SNX13: variants seen among roughly 807,000 people sequenced by gnomAD.
SNX13 encodes sorting nexin-13.
Under a neutral mutation model 133.6 loss-of-function variants are expected in SNX13, and 45 were observed. The observed-to-expected ratio is 0.34, with a 90% CI of 0.27 to 0.43. The LOEUF (loss-of-function observed/expected upper bound fraction) is 0.43. SNX13 is among the 20% of genes least tolerant of loss of function. SNX13 has a pLI of 1.00. For synonymous variants in SNX13, 414 were observed against 373.9 expected (o/e 1.11, Z -1.24); for missense variants, 1,032 against 1,145.1 (o/e 0.90, Z 1.43).
intron 9 of SNX13, among the ~76,000 whole-genome samples, chr7:17,867,072 A>G (rs1409342515): frequency 6.6e-6 from 1 of 152,210 alleles, no homozygotes; most frequent in Non-Finnish European, 1.5e-5. Context: ...TCACTTTAAA[A>G]TAACTTCTTA....
rs150609532 is a variant in SNX13, at chr7:17,863,540, T to A, written c.837+4867A>T. ...GAAACCCAAGAATATACATCTTTCC[T>A]CCTGGACAGCATTTCTAGACCCACC... On this transcript the variant is annotated intron_variant, in intron 9 of 25. Coordinates refer to ENST00000428135, the MANE Select transcript of SNX13 (RefSeq NM_015132.5). Among the ~76,000 whole-genome samples, 241 of 152,282 alleles carry A rather than the reference T, an allele frequency of 1.6e-3. 1 individual carries two copies. Among genetic ancestry groups the A allele is most frequent in the African/African-American group, 5.3e-3 (221 of 41,560 alleles).
chr7:17,858,539 A>C (rs2128335286), intron 9 of SNX13, among the ~76,000 whole-genome samples: 1 of 152,276 alleles, frequency 6.6e-6, no homozygotes, highest in South Asian at 2.1e-4. Flanking sequence ...TAAGAAGACA[A>C]AATGTTAAAC....
chr7:17,938,346 G>A (rs939378141), intron 1 of SNX13, among the ~76,000 whole-genome samples: 1 of 152,226 alleles, frequency 6.6e-6, no homozygotes, highest in African/African-American at 2.4e-5. Context: ...TAGGAGATGA[G>A]ATTCCAGTTT....
chr7:17,853,963 A>G (rs1017275518), intron 9 of SNX13, among the ~76,000 whole-genome samples: 1 of 152,070 alleles, frequency 6.6e-6, no homozygotes. Flanking sequence ...AAAAAGAAAA[A>G]AAAAGAAAAA....
chr7:17,870,751 T>C (rs1793994179), intron 8 of SNX13, among the ~76,000 whole-genome samples: 1 of 152,210 alleles, frequency 6.6e-6, no homozygotes, highest in African/African-American at 2.4e-5. Flanking sequence ...TAAATACAGA[T>C]ATAATCTCTG....
At position 17,940,303 on chromosome 7, in the gene SNX13, C is replaced by A. The variant is rs1308741219; in HGVS notation, c.-8G>T. On this transcript the variant is annotated 5_prime_UTR_variant, in exon 1 of 26. Coordinates refer to ENST00000428135, the MANE Select transcript of SNX13 (RefSeq NM_015132.5). ...GCTTACCTCAGTTAACATTATTACA[C>A]CCCGGGGAAGTGAGGTCCTCCCTAG... 1.3e-6 allele frequency: 2 copies of A among 1,566,284 alleles called. No homozygotes were observed. The highest frequency in any genetic ancestry group is 8.7e-7 in the Non-Finnish European group (1 of 1,155,470).
chr7:17,856,222 C>A (rs1222443741), intron 9 of SNX13, among the ~76,000 whole-genome samples: 2 of 152,146 alleles, frequency 1.3e-5, no homozygotes, highest in African/African-American at 2.4e-5. Flanking sequence ...TCTTTCTTTG[C>A]AATCAAAGTT....
intron 5 of SNX13, chr7:17,888,777 CT>C (rs1796292125): frequency 2.1e-6 from 1 of 469,636 alleles, no homozygotes; most frequent in Non-Finnish European, 4.4e-6. Flanking sequence ...AATTTTGATC[CT>C]GACAATTATC....
At chr7:17,927,874 C>T (rs1397353568) in intron 1 of SNX13, among the ~76,000 whole-genome samples, 2 of 151,968 alleles carry the variant, frequency 1.3e-5, no homozygotes, top group African/African-American at 4.8e-5. Context: ...AGAAGATTTC[C>T]ACTCACAAAG....
Position 17,793,982 on chromosome 7 carries a change from CAGA to C in SNX13, c.*60_*62del. 1 of 1,551,252 alleles carries C rather than the reference CAGA, an allele frequency of 6.4e-7. No homozygotes were observed. Among genetic ancestry groups the C allele is most frequent in the South Asian group, 1.2e-5 (1 of 81,078 alleles). On this transcript the variant is annotated 3_prime_UTR_variant, in exon 26 of 26. Coordinates refer to ENST00000428135, the MANE Select transcript of SNX13 (RefSeq NM_015132.5). ...ACACAACAGTATTTGAGTTAAGCCCCAGAAGATCTGTCCATACCATTAGTCCTG... is the reference window on the plus strand; with the variant it reads ...ACACAACAGTATTTGAGTTAAGCCCCAGATCTGTCCATACCATTAGTCCTG...
At chr7:17,838,980 T>C (rs1419633495) in intron 13 of SNX13, among the ~76,000 whole-genome samples, 3 of 150,182 alleles carry the variant, frequency 2.0e-5, no homozygotes, top group African/African-American at 7.3e-5. Flanking sequence ...CTATTATATA[T>C]ATAACAATAT....
intron 9 of SNX13, 175 bp downstream of exon 9, chr7:17,868,232 C>T: frequency 1.8e-6 from 1 of 551,838 alleles, no homozygotes. Context: ...GAGAATTTGG[C>T]CAACACATTC....
In SNX13 at chr7:17,845,638, C is replaced by A; in HGVS notation, c.1122G>T (p.Leu374=). Reference sequence around the variant, plus strand: ...CAACATTGTCTACAAGAATGCTGTCCAGGGGGACTGTGCAAAGTTTCCCAA... The same window carrying A: ...CAACATTGTCTACAAGAATGCTGTCAAGGGGGACTGTGCAAAGTTTCCCAA... The part of the protein sequence containing the change: ...ANFGKLCTVP[L]DSILVDNVAL... The change falls in exon 12 of 26, where the codon CTG becomes CTT. Residue 374 remains leucine, a synonymous_variant. Transcript: ENST00000428135. 1 of 1,603,338 alleles carries A rather than the reference C, an allele frequency of 6.2e-7. No individual in the cohort carries two copies. The highest frequency in any genetic ancestry group is 8.5e-7 in the Non-Finnish European group (1 of 1,175,154).
At chr7:17,875,293 C>A (rs560107334) in intron 7 of SNX13, among the ~76,000 whole-genome samples, 187 bp downstream of exon 7, 5 of 151,688 alleles carry the variant, frequency 3.3e-5, no homozygotes, top group Admixed American at 1.3e-4. Flanking sequence ...TTAAAGATGA[C>A]CTTTAAAGAA....
chr7:17,801,722 C>G (rs1376276972), intron 21 of SNX13, 63 bp from the exon 22 acceptor site: 1 of 1,220,784 alleles, frequency 8.2e-7, no homozygotes, highest in Non-Finnish European at 1.2e-6. Context: ...GAACACAACA[C>G]AATCATAAAC....
At chr7:17,807,280 GCCCAGCTAGGTGGGGGGAGGGGCC>G (rs890493065) in intron 20 of SNX13, among the ~76,000 whole-genome samples, 8 of 151,892 alleles carry the variant, frequency 5.3e-5, no homozygotes, top group African/African-American at 1.2e-4. Context: ...GGGGAGGGGC[GCCCAGCTAGGTGGGGGGAGGGGCC>G]CCCACTAAGG....
At chr7:17,931,757 T>G (rs1282807549) in intron 1 of SNX13, among the ~76,000 whole-genome samples, 1 of 152,214 alleles carries the variant, frequency 6.6e-6, no homozygotes, top group Non-Finnish European at 1.5e-5. Context: ...GGTGAATTAT[T>G]CCAGTTAATA....
intron 13 of SNX13, among the ~76,000 whole-genome samples, chr7:17,837,130 C>CT (rs971967748): frequency 2.6e-5 from 4 of 151,764 alleles, no homozygotes; most frequent in African/African-American, 4.8e-5. Flanking sequence ...GTTAAATAAA[C>CT]TTTTTAAAAA....
chr7:17,907,730 C>G (rs1798547930), intron 1 of SNX13, among the ~76,000 whole-genome samples: 2 of 152,026 alleles, frequency 1.3e-5, no homozygotes, highest in East Asian at 1.9e-4. Context: ...AATTTTACTG[C>G]CATTTTGATT....
Sources: gnomAD v4.1 joint callset for allele counts (sites outside exome capture counted in the v4.1 genomes callset) on GRCh38, gnomAD v4.1.1 for gene constraint, MANE v1.5 for transcripts, NCBI Gene and HGNC (gene_info 2026-07-23, HGNC 2026-07-21) for gene names.